Variants in FLYWCH2 observed in about 807,000 individuals in gnomAD.
FLYWCH2 encodes FLYWCH family member 2.
A neutral mutation model predicts 6.0 loss-of-function variants in FLYWCH2; 2 were observed. The observed-to-expected ratio is 0.33, with a 90% confidence interval of 0.14 to 1.04. FLYWCH2 has a LOEUF of 1.04. FLYWCH2 is among the 50% of genes least tolerant of loss of function. FLYWCH2 has a pLI of 0.45. For synonymous variants in FLYWCH2, 87 were observed against 79.3 expected, an observed-to-expected ratio of 1.10 and a Z score of -0.52; for missense variants, 192 against 183.4, an observed-to-expected ratio of 1.05 and a Z score of -0.27.
At chr16:2,889,548 T>C (rs1403917417) in intron 1 of FLYWCH2, among the ~76,000 whole-genome samples, 1 of 49,532 alleles carries the variant, frequency 2.0e-5, no homozygotes, top group East Asian at 3.2e-4. Flanking sequence ...GGAAAGACTA[T>C]ATTAAAAAAA....
At chr16:2,898,654 A>G (rs2069849111) in intron 3 of FLYWCH2, 1 of 172,956 alleles carries the variant, frequency 5.8e-6, no homozygotes, top group Non-Finnish European at 1.2e-5. Context: ...GAGCACAGCC[A>G]TCTTCGCCAG....
intron 1 of FLYWCH2, among the ~76,000 whole-genome samples, chr16:2,886,101 A>G (rs962304429): frequency 3.3e-5 from 5 of 152,100 alleles, no homozygotes; most frequent in African/African-American, 1.2e-4. Context: ...GATGTTGAGC[A>G]TCTTCTCATA....
chr16:2,889,427 G>A (rs2069732159), intron 1 of FLYWCH2, among the ~76,000 whole-genome samples: 1 of 151,324 alleles, frequency 6.6e-6, no homozygotes, highest in Admixed American at 6.6e-5. Flanking sequence ...AGCCAGGATG[G>A]TCTCAATCTC....
At chr16:2,884,823 A>G in intron 1 of FLYWCH2, among the ~76,000 whole-genome samples, 1 of 150,532 alleles carries the variant, frequency 6.6e-6, no homozygotes, top group Non-Finnish European at 1.5e-5. Flanking sequence ...GCAGTGACCC[A>G]AGGTCGCGCC....
rs771872254 is a variant in FLYWCH2 at position 2,896,638 on chromosome 16, C to T, written c.189C>T (p.His63=). The T allele has an allele frequency of 4.3e-6, 7 of 1,613,830 alleles. No homozygotes were observed. The highest frequency in any genetic ancestry group is 1.1e-5 in the South Asian group (1 of 91,086). ...CGGGGGCCAAGCGCAAGGGTGTGCA[C>T]TGTGTCATGTCCCTGGGGGTGCCCG... The part of the protein sequence containing the change: ...KVAGAKRKGV[H]CVMSLGVPGP... Residue 63 remains histidine (H), a synonymous_variant, in exon 3 of 4, where the codon CAC becomes CAT. Coordinates refer to ENST00000396958, the MANE Select transcript of FLYWCH2 (RefSeq NM_138439.3).
Position 2,894,702 on chromosome 16 carries a change from C to T in FLYWCH2, c.-199-518C>T, listed in dbSNP as rs149760092. ...GCATTTCTTCAAGTGCCCACCCCCT[C>T]GAGAAGGTGCCCCTGGGGTGGGGGC... On this transcript the variant is annotated intron_variant, in intron 1 of 3. Transcript: ENST00000396958. 7.9e-3 allele frequency among the ~76,000 whole-genome samples: 1,211 copies of T among 152,350 alleles called. 18 individuals are homozygous for T. Among genetic ancestry groups the T allele is most frequent in the African/African-American group, 0.027 (1,140 of 41,586 alleles).
intron 1 of FLYWCH2, among the ~76,000 whole-genome samples, chr16:2,884,296 C>T (rs946662894): frequency 6.6e-6 from 1 of 152,024 alleles, no homozygotes; most frequent in Non-Finnish European, 1.5e-5. Context: ...ATGTTTCTCC[C>T]CCGTGCGTAT....
intron 1 of FLYWCH2, among the ~76,000 whole-genome samples, chr16:2,891,548 G>A (rs996756681): frequency 5.3e-5 from 8 of 152,118 alleles, no homozygotes; most frequent in African/African-American, 1.9e-4. Flanking sequence ...GGGACTACAG[G>A]CGCCCGCCAC....
At chr16:2,887,445 G>T (rs1017442138) in intron 1 of FLYWCH2, among the ~76,000 whole-genome samples, 1 of 151,274 alleles carries the variant, frequency 6.6e-6, no homozygotes, top group African/African-American at 2.4e-5. Flanking sequence ...ATAGGCATGA[G>T]CCACCATGCC....
chr16:2,891,533 T>G (rs1435688125), intron 1 of FLYWCH2, among the ~76,000 whole-genome samples: 1 of 151,712 alleles, frequency 6.6e-6, no homozygotes, highest in Non-Finnish European at 1.5e-5. Flanking sequence ...GCCTCCGGAG[T>G]AGCCGGGACT....
At chr16:2,896,991 C>G (rs943180546) in intron 3 of FLYWCH2, 1 of 595,618 alleles carries the variant, frequency 1.7e-6, no homozygotes, top group East Asian at 2.9e-5. Context: ...TGTGTCTGTT[C>G]CCCACTCTGG....
intron 2 of FLYWCH2, among the ~76,000 whole-genome samples, chr16:2,895,890 A>G (rs2150850318): frequency 6.6e-6 from 1 of 152,112 alleles, no homozygotes; most frequent in Non-Finnish European, 1.5e-5. Flanking sequence ...CTCTGTGTCC[A>G]CTCCATCTCT....
rs774725424 is a variant in FLYWCH2, at chr16:2,896,449, G to C, written c.-1G>C. 1 of 1,609,554 alleles carries C rather than the reference G, an allele frequency of 6.2e-7. No individual in the cohort carries two copies. Among genetic ancestry groups the C allele is most frequent in the Non-Finnish European group, 8.5e-7 (1 of 1,177,682 alleles). On this transcript the variant is annotated 5_prime_UTR_variant, in exon 3 of 4. Transcript: ENST00000396958. ...CTGAGGGACAGGCCCTGGGTCCCGG[G>C]ATGCCCCTGCCCGAGCCCAGCGAGC...
rs1002146911 is a variant in FLYWCH2, at chr16:2,899,357, A to G, written c.*208A>G. The G allele has an allele frequency of 6.5e-6, 3 of 458,198 alleles. No homozygotes were observed. Among genetic ancestry groups the G allele is most frequent in the Non-Finnish European group, 1.1e-5 (3 of 261,420 alleles). The allele number at this position is 458,198 out of a possible 1,614,324, so 28.4% of individuals were successfully genotyped here. A position where few individuals can be genotyped will look rare whatever the true frequency, so the allele number is the denominator to read the frequency against. On this transcript the variant is annotated 3_prime_UTR_variant, in exon 4 of 4. Transcript: ENST00000396958. ...AAGAATAAAAGAAGCTGTTCGCTAG[A>G]CCCCATAATGGGCAGGTTTTAAACA...
intron 3 of FLYWCH2, among the ~76,000 whole-genome samples, chr16:2,898,066 G>A (rs764885648): frequency 3.9e-5 from 6 of 152,152 alleles, no homozygotes; most frequent in Non-Finnish European, 5.9e-5. Context: ...TTTGCTGGCC[G>A]TGCAGGGACC....
intron 1 of FLYWCH2, among the ~76,000 whole-genome samples, chr16:2,884,193 T>A (rs1046221003): frequency 2.0e-5 from 3 of 152,154 alleles, no homozygotes. Flanking sequence ...CCTGATAAAT[T>A]CACCACTATT....
At chr16:2,892,727 C>T (rs2069771820) in intron 1 of FLYWCH2, among the ~76,000 whole-genome samples, 1 of 151,058 alleles carries the variant, frequency 6.6e-6, no homozygotes, top group African/African-American at 2.4e-5. Context: ...GCCTGTAGTC[C>T]CAGCTATGTG....
chr16:2,883,539 C>G (rs2069664157), intron 1 of FLYWCH2, among the ~76,000 whole-genome samples, 173 bp downstream of exon 1: 1 of 152,176 alleles, frequency 6.6e-6, no homozygotes, highest in Non-Finnish European at 1.5e-5. Context: ...GCCTCTCGCC[C>G]CTCCTTCCCC....
intron 1 of FLYWCH2, among the ~76,000 whole-genome samples, chr16:2,884,615 C>G (rs542801810): frequency 6.7e-6 from 1 of 149,258 alleles, no homozygotes; most frequent in African/African-American, 2.5e-5. Context: ...TGGCTCACGC[C>G]TGTAATCCCA....
Sources: gnomAD v4.1 joint callset for allele counts (sites outside exome capture counted in the v4.1 genomes callset) on GRCh38, gnomAD v4.1.1 for gene constraint, MANE v1.5 for transcripts, NCBI Gene and HGNC (gene_info 2026-07-23, HGNC 2026-07-21) for gene names.